CCDC15: variants seen among roughly 807,000 people sequenced by gnomAD.
CCDC15 encodes the protein coiled-coil domain-containing protein 15.
In CCDC15, 105 loss-of-function variants were observed where a neutral mutation model predicts 114.5. The observed-to-expected ratio is 0.92, with a 90% CI of 0.78 to 1.08. The LOEUF (loss-of-function observed/expected upper bound fraction) is 1.08. Among genes scored for constraint, CCDC15 ranks in the 50% least tolerant of loss-of-function variants. The pLI is 0.00. For missense variants in CCDC15, 1,105 were observed against 1,093.6 expected, an observed-to-expected ratio of 1.01 and a Z score of -0.15; for synonymous variants, 334 against 377.8, an observed-to-expected ratio of 0.88 and a Z score of 1.34.
intron 8 of CCDC15, among the ~76,000 whole-genome samples, chr11:124,990,285 G>A (rs965789803): frequency 3.9e-5 from 6 of 152,166 alleles, no homozygotes; most frequent in East Asian, 1.9e-4. Flanking sequence ...TTAGATGAGC[G>A]TGGTTATGGT....
intron 13 of CCDC15, among the ~76,000 whole-genome samples, chr11:125,014,121 C>T (rs770352579): frequency 1.5e-4 from 23 of 152,078 alleles, no homozygotes; most frequent in Non-Finnish European, 2.1e-4. Flanking sequence ...GGAGAAAGGG[C>T]CCAATATACA....
At chr11:124,973,294 C>G (rs1486945886) in intron 4 of CCDC15, among the ~76,000 whole-genome samples, 1 of 151,712 alleles carries the variant, frequency 6.6e-6, no homozygotes, top group Non-Finnish European at 1.5e-5. Context: ...TCACATGGTG[C>G]AGGGTAATAA....
rs953492898 is a variant in CCDC15, at chr11:124,965,134, A to G, written c.516+5131A>G. On this transcript the variant is annotated intron_variant, in intron 4 of 15. Transcript: ENST00000344762. ...TGTTGTGTCTCTGCCAGGCTTTGGT[A>G]TCAGGATGATGCTGGCCTCATAAAA... Among the ~76,000 whole-genome samples, 1,355 of 152,264 alleles carry G rather than the reference A, an allele frequency of 8.9e-3. 16 individuals carry two copies. Among genetic ancestry groups the G allele is most frequent in the African/African-American group, 0.031 (1,272 of 41,530 alleles).
At chr11:125,019,212 A>T (rs1195908567) in intron 13 of CCDC15, among the ~76,000 whole-genome samples, 2 of 151,916 alleles carry the variant, frequency 1.3e-5, no homozygotes, top group Non-Finnish European at 2.9e-5. Context: ...TTTTTAAAAG[A>T]TCGTTATATA....
chr11:124,974,921 C>CA (rs1232534478), intron 4 of CCDC15, among the ~76,000 whole-genome samples, 175 bp from the exon 5 acceptor site: 2 of 152,130 alleles, frequency 1.3e-5, no homozygotes, highest in Non-Finnish European at 2.9e-5. Context: ...AGAATAATGA[C>CA]AATAATGTTG....
At position 124,991,594 on chromosome 11, in the gene CCDC15, A is replaced by G; in HGVS notation, c.2031+11A>G. On this transcript the variant is annotated intron_variant, in intron 9 of 15. Coordinates refer to ENST00000344762, the MANE Select transcript of CCDC15 (RefSeq NM_025004.3). ...GACATCAAAAATCAGGTAGAGTAGA[A>G]GAAAAAGATATAAACAGGAAGGAAG... The G allele has an allele frequency of 6.3e-7, 1 of 1,591,812 alleles. No individual in the cohort carries two copies. Among genetic ancestry groups the G allele is most frequent in the Non-Finnish European group, 8.6e-7 (1 of 1,169,292 alleles).
chr11:124,968,415 C>T (rs909681609), intron 4 of CCDC15, among the ~76,000 whole-genome samples: 2 of 152,218 alleles, frequency 1.3e-5, no homozygotes, highest in Admixed American at 6.5e-5. Context: ...TCTCGGACTG[C>T]TGCGCTAGCA....
At chr11:125,024,647 G>A (rs1295594986) in intron 13 of CCDC15, among the ~76,000 whole-genome samples, 1 of 152,004 alleles carries the variant, frequency 6.6e-6, no homozygotes, top group African/African-American at 2.4e-5. Context: ...TTTTGGATAT[G>A]GATCCTGTTC....
At chr11:125,023,671 A>G (rs1948676652) in intron 13 of CCDC15, among the ~76,000 whole-genome samples, 1 of 152,032 alleles carries the variant, frequency 6.6e-6, no homozygotes, top group Non-Finnish European at 1.5e-5. Flanking sequence ...TGGAGAAATT[A>G]GAATCCCCAA....
At chr11:124,959,733 CTTCT>C in intron 3 of CCDC15, 78 bp from the exon 4 acceptor site, 1 of 335,002 alleles carries the variant, frequency 3.0e-6, no homozygotes, top group Non-Finnish European at 5.3e-6. Flanking sequence ...AATTTAAAAT[CTTCT>C]GAACTGCTTT....
At chr11:124,976,625 G>GA (rs548673326) in intron 5 of CCDC15, among the ~76,000 whole-genome samples, 34 of 149,584 alleles carry the variant, frequency 2.3e-4, no homozygotes, top group African/African-American at 4.9e-4. Context: ...TACTAAATCA[G>GA]AAAAAAAAAC....
chr11:125,040,766 A>G lies in CCDC15; in HGVS notation c.*55A>G, dbSNP rs1378841905. On this transcript the variant is annotated 3_prime_UTR_variant, in exon 16 of 16. Coordinates refer to ENST00000344762, the MANE Select transcript of CCDC15 (RefSeq NM_025004.3). The stretch of plus-strand genomic sequence containing the variant: ...TGGCTTTTACTTAAAATCATCCCTG[A>G]GAGAGTATTTAAGAAAAGCTGTTCA... 8.8e-6 allele frequency: 13 copies of G among 1,482,988 alleles called. No individual in the cohort carries two copies. In the East Asian group the frequency reaches 2.7e-4, roughly 31 times the overall value. 91.9% of individuals were successfully genotyped at this position (1,482,988 alleles called of 1,614,324 possible). A position where few individuals can be genotyped will look rare whatever the true frequency, so the allele number is the denominator to read the frequency against.
chr11:124,959,816 C>T lies in CCDC15; in HGVS notation c.329C>T (p.Ala110Val), dbSNP rs1408156193. Reference sequence around the variant, plus strand: ...ATCCCCCTTTCTTCTTTCGTGTAGGCACAAAAAGAAGGCTCCATAGCCATG... The same window carrying T: ...ATCCCCCTTTCTTCTTTCGTGTAGGTACAAAAAGAAGGCTCCATAGCCATG... ...KQQLQKSYER[A>V]QKEGSIAMQS... The change falls in exon 4 of 16, where the codon GCA (alanine) becomes GTA (valine). Residue 110 changes from alanine to valine, a missense_variant and splice_region_variant. Coordinates refer to ENST00000344762, the MANE Select transcript of CCDC15 (RefSeq NM_025004.3). 5.0e-6 allele frequency: 8 copies of T among 1,587,952 alleles called. No individual in the cohort carries two copies. Among genetic ancestry groups the T allele is most frequent in the Non-Finnish European group, 6.9e-6 (8 of 1,167,218 alleles).
At chr11:125,001,990 A>G (rs1182947334) in intron 11 of CCDC15, among the ~76,000 whole-genome samples, 2 of 152,106 alleles carry the variant, frequency 1.3e-5, no homozygotes, top group East Asian at 3.9e-4. Context: ...TGATTTTTCC[A>G]AAGTAGCTGC....
In CCDC15 at chr11:124,959,903, T is replaced by C. The variant is rs771821171; in HGVS notation, c.416T>C (p.Val139Ala). 4.4e-6 allele frequency: 7 copies of C among 1,591,768 alleles called. No individual in the cohort carries two copies. Among genetic ancestry groups the C allele is most frequent in the South Asian group, 2.3e-5 (2 of 87,540 alleles). Residue 139 changes from valine (V) to alanine (A), a missense_variant, in exon 4 of 16, where the codon GTT (valine) becomes GCT (alanine). Physicochemically the swap from Val to Ala is moderately conservative, Grantham distance 64. Transcript: ENST00000344762. ...RTSVFPNNLN[V>A]AIGSSRLPPS... is the part of the protein sequence containing the mutation. ...AGTGTTTTTCCAAACAATTTGAATG[T>C]TGCTATTGGAAGTTCTAGGTTACCT...
At chr11:124,981,830 A>G (rs547700485) in intron 6 of CCDC15, among the ~76,000 whole-genome samples, 49 of 152,178 alleles carry the variant, frequency 3.2e-4, no homozygotes, top group Non-Finnish European at 2.6e-4. Flanking sequence ...CATGTTGGCC[A>G]GGCTGGTTTT....
chr11:124,960,623 A>AT (rs888596284), intron 4 of CCDC15, among the ~76,000 whole-genome samples: 4 of 152,316 alleles, frequency 2.6e-5, no homozygotes, highest in African/African-American at 9.6e-5. Flanking sequence ...AGGTTAAAGA[A>AT]TAATACATAG....
At chr11:125,013,051 T>C (rs1159301521) in intron 13 of CCDC15, among the ~76,000 whole-genome samples, 1 of 152,176 alleles carries the variant, frequency 6.6e-6, no homozygotes, top group African/African-American at 2.4e-5. Flanking sequence ...TAACATTGTA[T>C]CTGACATTTA....
chr11:124,976,222 A>G (rs931800519), intron 5 of CCDC15, among the ~76,000 whole-genome samples: 1 of 149,026 alleles, frequency 6.7e-6, no homozygotes, highest in African/African-American at 2.4e-5. Context: ...TATAATATAT[A>G]TAATATATAA....
Sources: allele counts gnomAD v4.1 joint callset (sites outside exome capture counted in the v4.1 genomes callset), GRCh38; gene constraint gnomAD v4.1.1; transcripts MANE v1.5; gene names NCBI Gene and HGNC (gene_info 2026-07-23, HGNC 2026-07-21).